The following WFDC10B variants were observed in gnomAD, a reference collection of about 807,000 sequenced individuals.
The protein encoded by WFDC10B is protein WFDC10B.
Under a neutral mutation model 2.7 loss-of-function variants are expected in WFDC10B, and 1 was observed. The observed-to-expected ratio is 0.38, with a 90% CI of 0.13 to 1.79. The LOEUF is 1.79. Ranked by LOEUF, WFDC10B falls within the 40% of genes most tolerant of loss-of-function variation. The pLI, the probability that WFDC10B is intolerant of heterozygous loss-of-function variation, is 0.33. For missense variants in WFDC10B, 71 were observed against 87.8 expected, an observed-to-expected ratio of 0.81 and a Z score of 0.76; for synonymous variants, 26 against 32.2, an observed-to-expected ratio of 0.81 and a Z score of 0.65.
At chr20:45,685,855 TC>T in intron 3 of WFDC10B, 46 bp downstream of exon 3, 4 of 1,606,316 alleles carry the variant, frequency 2.5e-6, no homozygotes, top group Non-Finnish European at 3.4e-6. Flanking sequence ...GCTCCTCCAT[TC>T]CCCCTACCCA....
intron 2 of WFDC10B, among the ~76,000 whole-genome samples, chr20:45,693,640 G>T (rs1323795600): frequency 6.6e-6 from 1 of 152,198 alleles, no homozygotes; most frequent in African/African-American, 2.4e-5. Flanking sequence ...GCCAGGTGTG[G>T]GATATAATCT....
chr20:45,685,949 A>C lies in WFDC10B; in HGVS notation c.44T>G (p.Leu15Arg). The C allele has an allele frequency of 6.2e-7, 1 of 1,614,194 alleles. No individual in the cohort carries two copies. Among genetic ancestry groups the C allele is most frequent in the Non-Finnish European group, 8.5e-7 (1 of 1,180,034 alleles). The change falls in exon 3 of 4, where the codon CTG (leucine) becomes CGG (arginine). Residue 15 changes from leucine to arginine, a missense_variant. Coordinates refer to ENST00000330523, the MANE Select transcript of WFDC10B (RefSeq NM_172006.2). ...TLLLVLVLCV[L>R]LLQAQGGYRD... is the part of the protein sequence containing the mutation. ...GTATCCTCCCTGGGCCTGCAGCAGC[A>C]GCACACAGAGAACCAGGACAAGCAG...
chr20:45,700,698 T>A (rs1465939769), intron 2 of WFDC10B, among the ~76,000 whole-genome samples: 1 of 152,228 alleles, frequency 6.6e-6, no homozygotes, highest in Non-Finnish European at 1.5e-5. Flanking sequence ...AGGGTACTTA[T>A]GAGAAACCTA....
At chr20:45,693,931 A>G (rs1983901242) in intron 2 of WFDC10B, among the ~76,000 whole-genome samples, 1 of 152,034 alleles carries the variant, frequency 6.6e-6, no homozygotes, top group Non-Finnish European at 1.5e-5. Flanking sequence ...CGCTCACGCT[A>G]GGAGCTGTAG....
chr20:45,703,665 A>G (rs1984267526), intron 2 of WFDC10B, among the ~76,000 whole-genome samples: 1 of 152,092 alleles, frequency 6.6e-6, no homozygotes, highest in Admixed American at 6.6e-5. Context: ...GGACTTAGGG[A>G]AGACTCTCCC....
At chr20:45,691,594 G>A (rs1438673207) in intron 2 of WFDC10B, among the ~76,000 whole-genome samples, 1 of 151,194 alleles carries the variant, frequency 6.6e-6, no homozygotes, top group Non-Finnish European at 1.5e-5. Context: ...TTATGTAATG[G>A]CCTTCTTTGT....
chr20:45,695,711 C>G (rs1334242966), intron 2 of WFDC10B, among the ~76,000 whole-genome samples: 1 of 152,094 alleles, frequency 6.6e-6, no homozygotes, highest in African/African-American at 2.4e-5. Flanking sequence ...TTGAGCCAGG[C>G]ATGTTGACTC....
chr20:45,686,539 T>TGG (rs11479569), intron 2 of WFDC10B, among the ~76,000 whole-genome samples: 26 of 149,980 alleles, frequency 1.7e-4, no homozygotes, highest in African/African-American at 6.1e-4. Context: ...ATAATTTTTT[T>TGG]GGGGGGGGGC....
chr20:45,684,741 G>C lies in WFDC10B; in HGVS notation c.*89C>G. 1 of 1,539,054 alleles carries C rather than the reference G, an allele frequency of 6.5e-7. No individual in the cohort carries two copies. ...TTCCTGTTGATGTTCTTGTGCTGAT[G>C]ATTTGATGTCCTTGTGCTTCGGATG... On this transcript the variant is annotated 3_prime_UTR_variant, in exon 4 of 4. Coordinates refer to ENST00000330523, the MANE Select transcript of WFDC10B (RefSeq NM_172006.2).
intron 2 of WFDC10B, among the ~76,000 whole-genome samples, chr20:45,690,321 C>T (rs1298668238): frequency 6.6e-6 from 1 of 151,812 alleles, no homozygotes; most frequent in Non-Finnish European, 1.5e-5. Flanking sequence ...TGTGTCTCTG[C>T]CCGGCTTTGG....
chr20:45,704,066 C>G (rs1311331006), intron 2 of WFDC10B, among the ~76,000 whole-genome samples: 1 of 152,168 alleles, frequency 6.6e-6, no homozygotes, highest in Non-Finnish European at 1.5e-5. Context: ...ACAACTTGCT[C>G]AAGACCACAC....
intron 2 of WFDC10B, among the ~76,000 whole-genome samples, chr20:45,692,442 G>T (rs1212815486): frequency 6.6e-6 from 1 of 152,104 alleles, no homozygotes; most frequent in African/African-American, 2.4e-5. Flanking sequence ...TTCCAACTTG[G>T]TTCCATTCTC....
intron 2 of WFDC10B, among the ~76,000 whole-genome samples, chr20:45,703,491 C>A (rs1308105802): frequency 6.6e-6 from 1 of 152,134 alleles, no homozygotes; most frequent in African/African-American, 2.4e-5. Flanking sequence ...GAGGAATAGA[C>A]CCACAATTCC....
chr20:45,703,813 A>G (rs1984275723), intron 2 of WFDC10B, among the ~76,000 whole-genome samples: 1 of 152,210 alleles, frequency 6.6e-6, no homozygotes, highest in South Asian at 2.1e-4. Flanking sequence ...ATCGAGAGAC[A>G]CCAAGGAAGA....
Position 45,685,927 on chromosome 20 carries a change from T to A in WFDC10B, c.66A>T (p.Gly22=), listed in dbSNP as rs1372985337. 1 of 1,613,918 alleles carries A rather than the reference T, an allele frequency of 6.2e-7. No individual in the cohort carries two copies. The highest frequency in any genetic ancestry group is 8.5e-7 in the Non-Finnish European group (1 of 1,180,018). ...LCVLLLQAQG[G]YRDKMRMQRI... is the part of the protein sequence containing the mutation. Reference sequence around the variant, plus strand: ...TCTGCATCCTCATCTTGTCACGGTATCCTCCCTGGGCCTGCAGCAGCAGCA... The same window carrying A: ...TCTGCATCCTCATCTTGTCACGGTAACCTCCCTGGGCCTGCAGCAGCAGCA... The change falls in exon 3 of 4, where the codon GGA becomes GGT. Residue 22 remains glycine, a synonymous_variant. Coordinates refer to ENST00000330523, the MANE Select transcript of WFDC10B (RefSeq NM_172006.2).
At chr20:45,688,669 G>A (rs75802902) in intron 2 of WFDC10B, among the ~76,000 whole-genome samples, 26,341 of 146,506 alleles carry the variant, frequency 0.18, 2,847 homozygotes, top group East Asian at 0.54. Flanking sequence ...CATGTCCTTC[G>A]CCCACTTTTT....
At chr20:45,697,945 T>C (rs1237690013) in intron 2 of WFDC10B, among the ~76,000 whole-genome samples, 23 of 151,884 alleles carry the variant, frequency 1.5e-4, no homozygotes, top group Admixed American at 1.4e-3. Context: ...GGTTTCACTA[T>C]GTTGGCCAGG....
intron 2 of WFDC10B, among the ~76,000 whole-genome samples, chr20:45,697,290 A>G (rs1444124395): frequency 6.6e-6 from 1 of 152,168 alleles, no homozygotes; most frequent in African/African-American, 2.4e-5. Flanking sequence ...AAATTTAACC[A>G]TGGAGGTAAA....
intron 2 of WFDC10B, among the ~76,000 whole-genome samples, chr20:45,687,086 G>T (rs934753276): frequency 1.3e-5 from 2 of 152,140 alleles, no homozygotes; most frequent in African/African-American, 4.8e-5. Flanking sequence ...GTGGGGGCTT[G>T]CTGCACCTAT....
Sources: allele counts gnomAD v4.1 joint callset (sites outside exome capture counted in the v4.1 genomes callset), GRCh38; gene constraint gnomAD v4.1.1; transcripts MANE v1.5; gene names NCBI Gene and HGNC (gene_info 2026-07-23, HGNC 2026-07-21).